MYBPH: variants seen among roughly 807,000 people sequenced by gnomAD.
MYBPH encodes the protein myosin-binding protein H.
In MYBPH, 49 loss-of-function variants were observed where a neutral mutation model predicts 53.6. The ratio of observed to expected loss-of-function variants is 0.91; its 90% CI spans 0.73 to 1.16. MYBPH has a LOEUF of 1.16. MYBPH is among the 50% of genes most tolerant of loss of function. The pLI is 0.00. For missense variants in MYBPH, 558 were observed against 624.1 expected, an observed-to-expected ratio of 0.89 and a Z score of 1.13; for synonymous variants, 239 against 249.6, an observed-to-expected ratio of 0.96 and a Z score of 0.40.
chr1:203,174,748 A>G, intron 2 of MYBPH, 151 bp from the exon 3 acceptor site: 1 of 883,628 alleles, frequency 1.1e-6, no homozygotes, highest in Non-Finnish European at 1.7e-6. Flanking sequence ...CTTCTTGTCA[A>G]ATGGCATCAA....
intron 6 of MYBPH, 55 bp from the exon 7 acceptor site, chr1:203,170,505 C>G (rs1655674896): frequency 6.3e-7 from 1 of 1,585,022 alleles, no homozygotes; most frequent in Admixed American, 1.7e-5. Context: ...ACCCTCCCTG[C>G]TTACCCTGGA....
At chr1:203,169,228 G>T in intron 8 of MYBPH, 25 bp downstream of exon 8, 1 of 1,589,286 alleles carries the variant, frequency 6.3e-7, no homozygotes, top group South Asian at 1.2e-5. Flanking sequence ...ACCAGCCCAG[G>T]GCACAACAGG....
In MYBPH at chr1:203,168,767, G is replaced by C. The variant is rs1655635723; in HGVS notation, c.1418-92C>G. The C allele has an allele frequency of 1.9e-6, 3 of 1,596,670 alleles. No individual in the cohort carries two copies. In the South Asian group the frequency reaches 3.4e-5, roughly 18 times the overall value. On this transcript the variant is annotated intron_variant, in intron 9 of 10. Transcript: ENST00000255416. Reference sequence around the variant, plus strand: ...ACCCTCTTCTACACCTGTCCACCCTGCCGCTTGGAAAGTAATCAGCACAGC... The same window carrying C: ...ACCCTCTTCTACACCTGTCCACCCTCCCGCTTGGAAAGTAATCAGCACAGC...
chr1:203,175,786 T>A lies in MYBPH; in HGVS notation c.-31A>T. 6.2e-7 allele frequency: 1 copy of A among 1,609,350 alleles called. No individual in the cohort carries two copies. The highest frequency in any genetic ancestry group is 8.5e-7 in the Non-Finnish European group (1 of 1,178,508). On this transcript the variant is annotated 5_prime_UTR_variant, in exon 1 of 11. Transcript: ENST00000255416. ...GACTGGCTGGGGGGCCAGGGTGGAG[T>A]GTGCAGGGGTCAGCCGTTGGGGGGC...
At chr1:203,170,958 G>T in intron 6 of MYBPH, 103 bp downstream of exon 6, 1 of 1,460,940 alleles carries the variant, frequency 6.8e-7, no homozygotes, top group Non-Finnish European at 9.1e-7. Flanking sequence ...GGGCAGACCA[G>T]AACTCGATCC....
chr1:203,169,809 A>G (rs1655661857), intron 7 of MYBPH, among the ~76,000 whole-genome samples: 1 of 152,184 alleles, frequency 6.6e-6, no homozygotes, highest in African/African-American at 2.4e-5. Context: ...AGGGACAGGG[A>G]AAAGGGCCCG....
rs986131212 is a variant in MYBPH at position 203,167,862 on chromosome 1, C to T, written c.*262G>A. 2 of 152,688 alleles carry T rather than the reference C, an allele frequency of 1.3e-5. No homozygotes were observed. The highest frequency in any genetic ancestry group is 4.8e-5 in the African/African-American group (2 of 41,452). The allele number at this position is 152,688 out of a possible 1,614,324, so 9.5% of individuals were successfully genotyped here. A position where few individuals can be genotyped will look rare whatever the true frequency, so the allele number is the denominator to read the frequency against. ...TGAGTGCTTCCCACCCAGAGTGCAA[C>T]TCCGCAGGGCACTCCAATCTCTGCG... On this transcript the variant is annotated 3_prime_UTR_variant, in exon 11 of 11. Coordinates refer to ENST00000255416, the MANE Select transcript of MYBPH (RefSeq NM_004997.3).
chr1:203,174,463 G>A lies in MYBPH; in HGVS notation c.475C>T (p.Leu159=). ...SSAGAGPPAM[L]DQPIHIRENI... ...TCTCGGATGTGGATGGGCTGGTCCA[G>A]CATGGCCGGCGGGCCAGCCCCTGCA... is the stretch of plus-strand genomic sequence containing the variant. Residue 159 remains leucine (L), a synonymous_variant, in exon 3 of 11, where the codon CTG becomes TTG. Transcript: ENST00000255416. 6.2e-7 allele frequency: 1 copy of A among 1,609,762 alleles called. No homozygotes were observed. The highest frequency in any genetic ancestry group is 8.5e-7 in the Non-Finnish European group (1 of 1,176,686).
chr1:203,171,271 T>C lies in MYBPH; in HGVS notation c.794-71A>G. The C allele has an allele frequency of 2.6e-6, 4 of 1,548,950 alleles. No homozygotes were observed. Among genetic ancestry groups the C allele is most frequent in the Non-Finnish European group, 3.5e-6 (4 of 1,146,126 alleles). On this transcript the variant is annotated intron_variant, in intron 5 of 10. Transcript: ENST00000255416. This position sits in a 1 kb window ranked among gnomAD's most constrained non-coding sequence, Gnocchi z 4.2. ...GGCCACAGAGCCCCCACACCCAAAA[T>C]TTGGCTCTTGCCACACTCCCTTGGC...
chr1:203,173,916 T>C (rs1005719712), intron 3 of MYBPH, among the ~76,000 whole-genome samples: 6 of 152,264 alleles, frequency 3.9e-5, no homozygotes, highest in African/African-American at 1.4e-4. Flanking sequence ...GGGGCCCCAG[T>C]GAGGTATGCC....
In MYBPH at chr1:203,171,328, G is replaced by T; in HGVS notation, c.793+55C>A. 6.3e-7 allele frequency: 1 copy of T among 1,577,364 alleles called. No homozygotes were observed. Among genetic ancestry groups the T allele is most frequent in the Non-Finnish European group, 8.6e-7 (1 of 1,158,704 alleles). On this transcript the variant is annotated intron_variant, in intron 5 of 10. Coordinates refer to ENST00000255416, the MANE Select transcript of MYBPH (RefSeq NM_004997.3). The surrounding 1 kb of genome is among the most constrained non-coding windows in gnomAD (Gnocchi z 4.2). ...CCATCAGCCATCAGCTCTGGGATAG[G>T]AGGTTGGGGGCTCCAGGTCCCCCAT...
At chr1:203,172,135 G>T in intron 3 of MYBPH, 95 bp from the exon 4 acceptor site, 1 of 750,926 alleles carries the variant, frequency 1.3e-6, no homozygotes, top group Non-Finnish European at 1.9e-6. Flanking sequence ...AGGGATGCTG[G>T]CTGGGAGGAG....
rs1558144633 is a variant in MYBPH, at chr1:203,171,855, G to T, written c.597+97C>A. 1 of 839,690 alleles carries T rather than the reference G, an allele frequency of 1.2e-6. No homozygotes were observed. The highest frequency in any genetic ancestry group is 1.7e-6 in the Non-Finnish European group (1 of 588,500). The allele number at this position is 839,690 out of a possible 1,614,324, so 52.0% of individuals were successfully genotyped here. The stretch of plus-strand genomic sequence containing the variant: ...GATGAAGCCGTCTCGCTGGGTCTCA[G>T]CTGGACCCTTGGAGACCCTGCCATC... On this transcript the variant is annotated intron_variant, in intron 4 of 10. Transcript: ENST00000255416. The surrounding 1 kb of genome is among the most constrained non-coding windows in gnomAD (Gnocchi z 4.2).
chr1:203,170,230 G>A (rs1324221989), intron 7 of MYBPH, 61 bp downstream of exon 7: 32 of 1,593,526 alleles, frequency 2.0e-5, no homozygotes, highest in African/African-American at 1.5e-4. Context: ...GTGCAGAGAC[G>A]CGGAGGAAGA....
chr1:203,171,459 G>A lies in MYBPH; in HGVS notation c.717C>T (p.Ser239=), dbSNP rs756581752. 6.2e-6 allele frequency: 10 copies of A among 1,613,806 alleles called. No homozygotes were observed. The highest frequency in any genetic ancestry group is 2.7e-5 in the African/African-American group (2 of 74,932). ...SILFIRSAQR[S]DSGRYELTVR... ...CAGTGAGCTCGTAGCGGCCAGAGTCGGAGCGCTGGGCCGAGCGAATGAAGA... is the reference window on the plus strand; with the variant it reads ...CAGTGAGCTCGTAGCGGCCAGAGTCAGAGCGCTGGGCCGAGCGAATGAAGA... Residue 239 remains serine, a synonymous_variant, in exon 5 of 11, where the codon TCC becomes TCT. Transcript: ENST00000255416. The surrounding 1 kb of genome is among the most constrained non-coding windows in gnomAD (Gnocchi z 4.2).
In MYBPH at chr1:203,174,413, G is replaced by C; in HGVS notation, c.508+17C>G. Reference sequence around the variant, plus strand: ...TTTGGGAAGGGCTGGGTAGCTGAAGGCCAGGATGGGCTTTACCAATGTTCT... The same window carrying C: ...TTTGGGAAGGGCTGGGTAGCTGAAGCCCAGGATGGGCTTTACCAATGTTCT... On this transcript the variant is annotated intron_variant, in intron 3 of 10. Transcript: ENST00000255416. 1 of 1,563,766 alleles carries C rather than the reference G, an allele frequency of 6.4e-7. No individual in the cohort carries two copies. Among genetic ancestry groups the C allele is most frequent in the Middle Eastern group, 1.7e-4 (1 of 5,870 alleles).
At chr1:203,168,134 C>T (rs1558143053) in intron 10 of MYBPH, 43 bp from the exon 11 acceptor site, 2 of 189,212 alleles carry the variant, frequency 1.1e-5, no homozygotes, top group Non-Finnish European at 2.2e-5. Context: ...GTGAGCAGAG[C>T]TCGGCTGCAG....
chr1:203,169,505 C>T, intron 7 of MYBPH, 116 bp from the exon 8 acceptor site: 1 of 1,396,764 alleles, frequency 7.2e-7, no homozygotes, highest in Non-Finnish European at 9.9e-7. Flanking sequence ...TTTGCAGGAA[C>T]TTGGACAATC....
At position 203,173,847 on chromosome 1, in the gene MYBPH, T is replaced by C. The variant is rs556396841; in HGVS notation, c.508+583A>G. On this transcript the variant is annotated intron_variant, in intron 3 of 10. Transcript: ENST00000255416. ...CTCCGGGAGGGGAGCGAGGGGAGGA[T>C]TGAGGCTAATGCACCTTGCAAATAG... 1.2e-3 allele frequency among the ~76,000 whole-genome samples: 183 copies of C among 152,290 alleles called. 1 individual carries two copies. The highest frequency in any genetic ancestry group is 4.3e-3 in the African/African-American group (179 of 41,562).
Sources: gnomAD v4.1 joint callset for allele counts (sites outside exome capture counted in the v4.1 genomes callset) on GRCh38, gnomAD v4.1.1 for gene constraint, Gnocchi (gnomAD v3.1) non-coding constraint, MANE v1.5 for transcripts, NCBI Gene and HGNC (gene_info 2026-07-23, HGNC 2026-07-21) for gene names.